Variants in DMD observed in about 807,000 individuals in gnomAD.
DMD encodes the protein dystrophin.
Under a neutral mutation model 330.1 loss-of-function variants are expected in DMD, and 63 were observed. That is an observed-to-expected ratio of 0.19 (90% CI 0.16 to 0.24). The LOEUF is 0.24. DMD is among the 10% of genes least tolerant of loss of function. The pLI, the probability that DMD is intolerant of heterozygous loss-of-function variation, is 1.00. For synonymous variants in DMD, 1,223 were observed against 959.8 expected (o/e 1.27, Z -5.07); for missense variants, 3,344 against 2,684.1 (o/e 1.25, Z -5.43).
chrX:32,133,420 C>G (rs1417930281), intron 44 of DMD, among the ~76,000 whole-genome samples: 1 of 111,479 alleles, frequency 9.0e-6, no homozygotes, highest in Non-Finnish European at 1.9e-5. Context: ...GTGATACAAT[C>G]TGATATCACA....
intron 62 of DMD, among the ~76,000 whole-genome samples, chrX:31,321,583 CAAAAAAA>C (rs1190446358): frequency 9.5e-5 from 1 of 10,472 alleles, no homozygotes; most frequent in Non-Finnish European, 1.5e-4. Flanking sequence ...AACTCCATCT[CAAAAAAA>C]AAAAAAAAAA....
intron 49 of DMD, among the ~76,000 whole-genome samples, 164 bp from the exon 50 acceptor site, chrX:31,820,247 T>C (rs2092724097): frequency 8.9e-6 from 1 of 112,357 alleles, no homozygotes; most frequent in Non-Finnish European, 1.9e-5. Context: ...ATAATTATTT[T>C]AGCCAACCAC....
At chrX:32,528,420 C>T (rs1478935200) in intron 17 of DMD, among the ~76,000 whole-genome samples, 2 of 111,995 alleles carry the variant, frequency 1.8e-5, no homozygotes, top group African/African-American at 6.5e-5. Context: ...TTAATTTCTT[C>T]GATCTTCAGC....
intron 23 of DMD, among the ~76,000 whole-genome samples, chrX:32,467,772 C>A (rs2040196055): frequency 1.8e-5 from 2 of 108,880 alleles, no homozygotes; most frequent in Non-Finnish European, 3.8e-5. Context: ...GTTCTGCTAA[C>A]ACCTTAATTT....
chrX:32,986,801 T>A (rs938225295), intron 2 of DMD, among the ~76,000 whole-genome samples: 3 of 112,686 alleles, frequency 2.7e-5, no homozygotes, highest in Non-Finnish European at 5.6e-5. Context: ...GTGTTGTTTA[T>A]CTTATTTCAG....
At chrX:31,731,457 A>G (rs904330983) in intron 51 of DMD, among the ~76,000 whole-genome samples, 1 of 111,933 alleles carries the variant, frequency 8.9e-6, no homozygotes, top group African/African-American at 3.2e-5. Flanking sequence ...AAATGTTTGA[A>G]TATGTTCAAT....
chrX:32,534,421 C>A (rs2047761975), intron 17 of DMD, among the ~76,000 whole-genome samples: 1 of 111,042 alleles, frequency 9.0e-6, no homozygotes, highest in Non-Finnish European at 1.9e-5. Context: ...TGTGTGCCAC[C>A]TCCCCCTGCA....
intron 60 of DMD, among the ~76,000 whole-genome samples, chrX:31,443,612 TAGTA>T (rs1019686738): frequency 9.1e-6 from 1 of 110,363 alleles, no homozygotes; most frequent in Non-Finnish European, 1.9e-5. Context: ...GTCCCATGGC[TAGTA>T]AGTGTGACCT....
Position 31,249,006 on chromosome X carries a change from T to A in DMD, c.9286+11949A>T, listed in dbSNP as rs72625568. 8.7e-4 allele frequency among the ~76,000 whole-genome samples: 97 copies of A among 111,885 alleles called. 1 individual carries two copies. In the East Asian group the frequency reaches 0.016, roughly 19 times the overall value. ...TGCTGTGTGTGTGGCTTCTCAGCAC[T>A]TCCATTCTTGAGTAACCAATTTCCC... is the stretch of plus-strand genomic sequence containing the variant. On this transcript the variant is annotated intron_variant, in intron 63 of 78. Transcript: ENST00000357033.
intron 62 of DMD, among the ~76,000 whole-genome samples, chrX:31,305,963 T>C (rs1198849131): frequency 8.9e-6 from 1 of 112,175 alleles, no homozygotes; most frequent in Non-Finnish European, 1.9e-5. Flanking sequence ...ACAAGACATA[T>C]TGTCTGGCAA....
In DMD at chrX:31,478,977, A is replaced by C; in HGVS notation, c.8668+6T>G. On this transcript the variant is annotated splice_donor_region_variant and intron_variant, in intron 58 of 78. Coordinates refer to ENST00000357033, the MANE Select transcript of DMD (RefSeq NM_004006.3). Reference sequence around the variant, plus strand: ...AATATGTTATTATAGTTCCACATTCAATTACCTCTGGGCTCCTGGTAGAGT... The same window carrying C: ...AATATGTTATTATAGTTCCACATTCCATTACCTCTGGGCTCCTGGTAGAGT... 8.3e-7 allele frequency: 1 copy of C among 1,209,734 alleles called. No individual in the cohort carries two copies. Among genetic ancestry groups the C allele is most frequent in the Non-Finnish European group, 1.1e-6 (1 of 894,047 alleles).
intron 29 of DMD, among the ~76,000 whole-genome samples, chrX:32,433,414 A>C (rs2098246483): frequency 8.9e-6 from 1 of 111,854 alleles, no homozygotes; most frequent in Admixed American, 9.5e-5. Context: ...GCGGTGGCTC[A>C]CGCCTGTAAT....
chrX:31,511,259 T>C (rs1227061148), intron 55 of DMD, among the ~76,000 whole-genome samples: 1 of 108,414 alleles, frequency 9.2e-6, no homozygotes, highest in Non-Finnish European at 1.9e-5. Flanking sequence ...TAATATAATA[T>C]AACATAACAT....
intron 47 of DMD, among the ~76,000 whole-genome samples, chrX:31,926,760 G>C (rs1273211234): frequency 8.9e-6 from 1 of 111,808 alleles, no homozygotes; most frequent in Non-Finnish European, 1.9e-5. Context: ...GCATATTAGA[G>C]TTAGCTGTGG....
At chrX:31,442,631 G>A (rs766714654) in intron 60 of DMD, among the ~76,000 whole-genome samples, 16 of 110,640 alleles carry the variant, frequency 1.4e-4, no homozygotes, top group African/African-American at 4.9e-4. Context: ...CTTTTACCAC[G>A]TTCTGAAAGC....
intron 13 of DMD, among the ~76,000 whole-genome samples, chrX:32,595,086 G>A (rs1433144748): frequency 8.9e-6 from 1 of 111,877 alleles, no homozygotes; most frequent in Admixed American, 9.5e-5. Context: ...GAAGACAAAA[G>A]AGGAGGCTGG....
intron 51 of DMD, among the ~76,000 whole-genome samples, chrX:31,773,621 G>A (rs2090468123): frequency 9.2e-6 from 1 of 109,015 alleles, no homozygotes; most frequent in African/African-American, 3.3e-5. Flanking sequence ...CAGTTTAAAT[G>A]TAAATAGCTC....
chrX:32,469,839 A>G, intron 22 of DMD, among the ~76,000 whole-genome samples: 1 of 111,052 alleles, frequency 9.0e-6, no homozygotes, highest in Non-Finnish European at 1.9e-5. Flanking sequence ...CTACCTACCT[A>G]TCTAATCCAT....
rs930860017 is a variant in DMD at position 32,780,997 on chromosome X, A to G, written c.649+28496T>C. ...GCCGGGCATGGTGGCAGGCGCCTGT[A>G]GTCCCAGCTACTCGGGAGGCTGAGG... is the stretch of plus-strand genomic sequence containing the variant. On this transcript the variant is annotated intron_variant, in intron 7 of 78. Transcript: ENST00000357033. Among the ~76,000 whole-genome samples, 5 of 109,194 alleles carry G rather than the reference A, an allele frequency of 4.6e-5. No homozygotes were observed. The Admixed American group carries it at 4.9e-4, about 11-fold the overall frequency. 94.8% of individuals were successfully genotyped at this position (109,194 alleles called of 115,157 possible). A position where few individuals can be genotyped will look rare whatever the true frequency, so the allele number is the denominator to read the frequency against.
Sources: allele counts gnomAD v4.1 joint callset (sites outside exome capture counted in the v4.1 genomes callset), GRCh38; gene constraint gnomAD v4.1.1; transcripts MANE v1.5; gene names NCBI Gene and HGNC (gene_info 2026-07-23, HGNC 2026-07-21).